COG4: variants seen among roughly 807,000 people sequenced by gnomAD.
COG4 encodes the protein conserved oligomeric Golgi complex subunit 4.
COG4 carries 65 observed loss-of-function variants against 95.1 expected under a neutral mutation model. The ratio of observed to expected loss-of-function variants is 0.68; its 90% CI spans 0.56 to 0.84. The LOEUF (loss-of-function observed/expected upper bound fraction) is 0.84. Ranked by LOEUF, COG4 falls within the 40% of genes least tolerant of loss-of-function variation. The pLI is 0.00. For missense variants in COG4, 1,045 were observed against 989.1 expected (o/e 1.06, Z -0.76); for synonymous variants, 421 against 374.8 (o/e 1.12, Z -1.42).
chr16:70,510,526 T>C (rs1473327229), intron 5 of COG4, among the ~76,000 whole-genome samples: 1 of 151,866 alleles, frequency 6.6e-6, no homozygotes, highest in Admixed American at 6.6e-5. Flanking sequence ...GGTCCTGCTA[T>C]GTTGCCCAGA....
rs1426419709 is a variant in COG4 at position 70,498,059 on chromosome 16, G to A, written c.1196-4C>T. 1 of 1,587,088 alleles carries A rather than the reference G, an allele frequency of 6.3e-7. No individual in the cohort carries two copies. The highest frequency in any genetic ancestry group is 8.7e-7 in the Non-Finnish European group (1 of 1,155,406). On this transcript the variant is annotated splice_region_variant and splice_polypyrimidine_tract_variant and intron_variant, in intron 9 of 18. Transcript: ENST00000323786. ...TTGTCCAGACACTTCTGGTGCTCTA[G>A]GGGACAGCCAAGAAAGGAATACTCA...
At chr16:70,515,385 T>A (rs544966964) in intron 3 of COG4, among the ~76,000 whole-genome samples, 2 of 152,042 alleles carry the variant, frequency 1.3e-5, no homozygotes, top group East Asian at 3.9e-4. Flanking sequence ...ACTATTAAGG[T>A]TTTTTTAGAA....
chr16:70,501,031 TAA>T lies in COG4; in HGVS notation c.1120_1121del (p.Leu374ThrfsTer8). On this transcript the variant is annotated frameshift_variant, in exon 9 of 19. Coordinates refer to ENST00000323786, the MANE Select transcript of COG4 (RefSeq NM_015386.3). LOFTEE classifies it high-confidence loss of function. ...AGCTAATCCTCTTCTTGAGGAAGCGTAAGTATAGCTCACTGCGGGCATTCATC... is the reference window on the plus strand; with the variant it reads ...AGCTAATCCTCTTCTTGAGGAAGCGTGTATAGCTCACTGCGGGCATTCATC... Reference protein sequence around the residue: ...TLMNARSELYLRFLKKRISSD... With the variant: ...TLMNARSELYXRFLKKRISSD... 2 of 1,613,986 alleles carry T rather than the reference TAA, an allele frequency of 1.2e-6. No individual in the cohort carries two copies. The highest frequency in any genetic ancestry group is 1.7e-6 in the Non-Finnish European group (2 of 1,179,940).
intron 8 of COG4, among the ~76,000 whole-genome samples, chr16:70,506,593 C>CAAAAAAAAA (rs1237710539): frequency 0.011 from 161 of 14,688 alleles, 47 homozygotes; most frequent in South Asian, 0.03. Flanking sequence ...GAGACTGCCT[C>CAAAAAAAAA]AAAAAAAAAA....
chr16:70,506,929 G>A (rs1279821058), intron 8 of COG4, among the ~76,000 whole-genome samples: 1 of 152,008 alleles, frequency 6.6e-6, no homozygotes, highest in Non-Finnish European at 1.5e-5. Flanking sequence ...ATGAACTGCT[G>A]GGCTGGGCAT....
At chr16:70,506,118 C>T (rs753872323) in intron 8 of COG4, among the ~76,000 whole-genome samples, 9 of 150,044 alleles carry the variant, frequency 6.0e-5, no homozygotes, top group East Asian at 2.0e-4. Context: ...TCATCTCAGC[C>T]GGGTGCGGTG....
rs1466985139 is a variant in COG4 at position 70,497,524 on chromosome 16, CCTT to C, written c.1315-140_1315-138del. The stretch of plus-strand genomic sequence containing the variant: ...TTTCTCCCAACATGGCGTGCATCCT[CCTT>C]GTCAAAATAGCTTACTTCCCTATTG... On this transcript the variant is annotated intron_variant, in intron 10 of 18. Transcript: ENST00000323786. The C allele has an allele frequency of 3.6e-6, 3 of 840,804 alleles. No homozygotes were observed. In the Admixed American group the frequency reaches 5.7e-5, roughly 16 times the overall value. 52.1% of individuals were successfully genotyped at this position (840,804 alleles called of 1,614,324 possible). A position where few individuals can be genotyped will look rare whatever the true frequency, so the allele number is the denominator to read the frequency against.
chr16:70,486,793 A>G (rs9932065), intron 13 of COG4, among the ~76,000 whole-genome samples: 18,318 of 151,258 alleles, frequency 0.12, 3,667 homozygotes, highest in African/African-American at 0.42. Context: ...TGAAGAGATC[A>G]AGACCATCCT....
At chr16:70,484,154 G>C (rs1343021179) in intron 13 of COG4, among the ~76,000 whole-genome samples, 185 bp from the exon 14 acceptor site, 1 of 152,212 alleles carries the variant, frequency 6.6e-6, no homozygotes, top group African/African-American at 2.4e-5. Context: ...TGTAATATGG[G>C]GGTACCAATG....
chr16:70,523,135 G>T, intron 1 of COG4: 1 of 563,142 alleles, frequency 1.8e-6, no homozygotes, highest in Non-Finnish European at 3.2e-6. Flanking sequence ...AAATCAACGG[G>T]GGTCTAGGGA....
In COG4 at chr16:70,519,713, GCTCTCT is replaced by G; in HGVS notation, c.184_189del (p.Arg62_Glu63del). ...TTTTGCTGTTCCAAAAGAGCATCCAGCTCTCTCTCCACCACTTTCTGAAACACAGAG... is the reference window on the plus strand; with the variant it reads ...TTTTGCTGTTCCAAAAGAGCATCCAGCTCCACCACTTTCTGAAACACAGAG... On this transcript the variant is annotated inframe_deletion, in exon 2 of 19. Coordinates refer to ENST00000323786, the MANE Select transcript of COG4 (RefSeq NM_015386.3). The G allele has an allele frequency of 6.2e-7, 1 of 1,613,472 alleles. No homozygotes were observed. Among genetic ancestry groups the G allele is most frequent in the Non-Finnish European group, 8.5e-7 (1 of 1,179,582 alleles).
At chr16:70,486,002 T>C (rs1283508766) in intron 13 of COG4, among the ~76,000 whole-genome samples, 1 of 151,906 alleles carries the variant, frequency 6.6e-6, no homozygotes, top group Non-Finnish European at 1.5e-5. Context: ...TTCACGCCAT[T>C]CTCCTGCCTC....
At chr16:70,501,133 A>C in intron 8 of COG4, 42 bp from the exon 9 acceptor site, 1 of 1,605,194 alleles carries the variant, frequency 6.2e-7, no homozygotes, top group Non-Finnish European at 8.5e-7. Context: ...ACAATGGATT[A>C]CCTTAGACAC....
At chr16:70,500,746 T>C (rs1260761915) in intron 9 of COG4, among the ~76,000 whole-genome samples, 2 of 152,170 alleles carry the variant, frequency 1.3e-5, no homozygotes, top group Admixed American at 1.3e-4. Context: ...ACCAGTGTCC[T>C]CATCTGTAAA....
intron 4 of COG4, 69 bp downstream of exon 4, chr16:70,514,266 T>C (rs1340833672): frequency 7.0e-7 from 1 of 1,423,388 alleles, no homozygotes; most frequent in Admixed American, 1.7e-5. Context: ...TTTTTATTGG[T>C]CGAGTCTGCT....
At chr16:70,502,684 T>C (rs371273566) in intron 8 of COG4, among the ~76,000 whole-genome samples, 1 of 151,914 alleles carries the variant, frequency 6.6e-6, no homozygotes, top group African/African-American at 2.4e-5. Context: ...TGTTAGGAAA[T>C]ACCATTAAAC....
At chr16:70,516,592 A>G (rs926521841) in intron 3 of COG4, among the ~76,000 whole-genome samples, 1 of 152,026 alleles carries the variant, frequency 6.6e-6, no homozygotes, top group African/African-American at 2.4e-5. Flanking sequence ...CACCGCGCCC[A>G]GCCTTGTTGA....
At position 70,523,509 on chromosome 16, in the gene COG4, G is replaced by A. The variant is rs146758430; in HGVS notation, c.35C>T (p.Pro12Leu). The A allele has an allele frequency of 3.7e-6, 6 of 1,613,922 alleles. No homozygotes were observed. The highest frequency in any genetic ancestry group is 1.6e-4 in the Middle Eastern group (1 of 6,084). Residue 12 changes from proline (P) to leucine (L), a missense_variant, in exon 1 of 19, where the codon CCG (proline) becomes CTG (leucine). Pro to Leu is a moderately conservative substitution (Grantham distance 98). Coordinates refer to ENST00000323786, the MANE Select transcript of COG4 (RefSeq NM_015386.3). Reference protein sequence around the residue: ...GTKMADLDSPPKLSGVQQPSE... With the variant: ...GTKMADLDSPLKLSGVQQPSE... ...CGGCTGCTGCACCCCTGACAGCTTC[G>A]GAGGCGAATCAAGGTCCGCCATCTT...
In COG4 at chr16:70,500,940, T is replaced by C; in HGVS notation, c.1195+18A>G. On this transcript the variant is annotated intron_variant, in intron 9 of 18. Transcript: ENST00000323786. Reference sequence around the variant, plus strand: ...ATTATACCTCAACCCTCCCCAAAAATATGGGAAACGTTTTTACCTTGCTTT... The same window carrying C: ...ATTATACCTCAACCCTCCCCAAAAACATGGGAAACGTTTTTACCTTGCTTT... 1.9e-6 allele frequency: 3 copies of C among 1,613,916 alleles called. No homozygotes were observed. The highest frequency in any genetic ancestry group is 1.7e-6 in the Non-Finnish European group (2 of 1,179,932).
Sources: allele counts gnomAD v4.1 joint callset (sites outside exome capture counted in the v4.1 genomes callset), GRCh38; gene constraint gnomAD v4.1.1; transcripts MANE v1.5; gene names NCBI Gene and HGNC (gene_info 2026-07-23, HGNC 2026-07-21).